The following THRB variants were observed in gnomAD, a reference collection of about 807,000 sequenced individuals.
THRB encodes the protein nuclear receptor subfamily 1 group A member 2.
In THRB, 12 loss-of-function variants were observed where a neutral mutation model predicts 47.8. That is an observed-to-expected ratio of 0.25 (90% CI 0.16 to 0.41). THRB has a LOEUF of 0.41. Ranked by LOEUF, THRB falls within the 10% of genes least tolerant of loss-of-function variation. The pLI is 1.00. For synonymous variants in THRB, 218 were observed against 212.2 expected (o/e 1.03, Z -0.24); for missense variants, 348 against 589.2 (o/e 0.59, Z 4.24).
At chr3:24,466,034 T>A (rs2074126964) in intron 1 of THRB, among the ~76,000 whole-genome samples, 1 of 152,196 alleles carries the variant, frequency 6.6e-6, no homozygotes, top group African/African-American at 2.4e-5. Flanking sequence ...GACTGTATTA[T>A]GTGATATTTC....
At chr3:24,338,756 T>C (rs558939665) in intron 1 of THRB, among the ~76,000 whole-genome samples, 12 of 152,384 alleles carry the variant, frequency 7.9e-5, no homozygotes, top group African/African-American at 2.9e-4. Flanking sequence ...ACACTCAGTA[T>C]GTTAAAAGGA....
intron 4 of THRB, among the ~76,000 whole-genome samples, chr3:24,220,119 G>A (rs1442429457): frequency 1.3e-5 from 2 of 152,162 alleles, no homozygotes; most frequent in Non-Finnish European, 2.9e-5. Flanking sequence ...AGTTTTAAAA[G>A]AATGCTGAGT....
intron 1 of THRB, among the ~76,000 whole-genome samples, chr3:24,460,260 T>C (rs1414009772): frequency 6.6e-6 from 1 of 152,202 alleles, no homozygotes; most frequent in Admixed American, 6.5e-5. Flanking sequence ...ATTATTTTTT[T>C]TCTTGTTTCA....
At chr3:24,241,543 G>T (rs1183121506) in intron 3 of THRB, among the ~76,000 whole-genome samples, 4 of 152,160 alleles carry the variant, frequency 2.6e-5, no homozygotes, top group Non-Finnish European at 1.5e-5. Context: ...CCCTTCCTTG[G>T]ATGGTGGCAG....
At chr3:24,182,371 T>C (rs1157845937) in intron 5 of THRB, among the ~76,000 whole-genome samples, 1 of 152,154 alleles carries the variant, frequency 6.6e-6, no homozygotes, top group African/African-American at 2.4e-5. Context: ...CTCCCAATAA[T>C]ACCTTTCCAA....
At chr3:24,461,705 C>T (rs1373217103) in intron 1 of THRB, among the ~76,000 whole-genome samples, 2 of 152,062 alleles carry the variant, frequency 1.3e-5, no homozygotes, top group African/African-American at 4.8e-5. Context: ...CTCTGGTCTT[C>T]TAAGAATTTC....
chr3:24,338,877 G>C (rs2149439438), intron 1 of THRB, among the ~76,000 whole-genome samples: 1 of 152,268 alleles, frequency 6.6e-6, no homozygotes, highest in Non-Finnish European at 1.5e-5. Context: ...ATATCTCTCT[G>C]CACCGCCCAT....
chr3:24,188,249 T>C (rs574752133), intron 5 of THRB, among the ~76,000 whole-genome samples: 2 of 152,320 alleles, frequency 1.3e-5, no homozygotes, highest in East Asian at 3.9e-4. Context: ...ATAATAAGGA[T>C]CACAATAATA....
intron 1 of THRB, among the ~76,000 whole-genome samples, chr3:24,442,628 C>T (rs1269593280): frequency 6.6e-6 from 1 of 151,888 alleles, no homozygotes; most frequent in African/African-American, 2.4e-5. Context: ...AGCTCGAGAC[C>T]AGCCTGACCA....
chr3:24,203,825 A>G (rs935523541), intron 4 of THRB, among the ~76,000 whole-genome samples: 2 of 152,222 alleles, frequency 1.3e-5, no homozygotes, highest in African/African-American at 4.8e-5. Context: ...GCACTTTTCC[A>G]ATGGCCTTAG....
At position 24,223,896 on chromosome 3, in the gene THRB, G is replaced by A. The variant is rs1056790280; in HGVS notation, c.22+5042C>T. ...GAGTCACCAATCAATGTGTGTGTGG[G>A]GGGGGTATATAGTCAAATTTATAAT... On this transcript the variant is annotated intron_variant, in intron 4 of 10. Transcript: ENST00000646209. 2.6e-5 allele frequency among the ~76,000 whole-genome samples: 4 copies of A among 151,952 alleles called. No homozygotes were observed. The South Asian group carries it at 8.3e-4, about 32-fold the overall frequency.
At chr3:24,480,578 T>C (rs1696210658) in intron 1 of THRB, among the ~76,000 whole-genome samples, 1 of 152,104 alleles carries the variant, frequency 6.6e-6, no homozygotes, top group South Asian at 2.1e-4. Flanking sequence ...GTAACAACAC[T>C]TGGCTCCAAG....
chr3:24,336,631 C>A (rs2062271106), intron 2 of THRB, among the ~76,000 whole-genome samples: 1 of 152,004 alleles, frequency 6.6e-6, no homozygotes, highest in South Asian at 2.1e-4. Flanking sequence ...AAGGCAAATT[C>A]AGAAGACTTG....
chr3:24,143,961 A>G, intron 7 of THRB: 1 of 540,998 alleles, frequency 1.8e-6, no homozygotes. Flanking sequence ...GAGAACCTAG[A>G]CACTGCGCAC....
intron 1 of THRB, among the ~76,000 whole-genome samples, chr3:24,463,817 A>G (rs1351695341): frequency 6.6e-6 from 1 of 152,230 alleles, no homozygotes; most frequent in East Asian, 1.9e-4. Flanking sequence ...GTAAGTATTA[A>G]TGAACACCCA....
intron 1 of THRB, among the ~76,000 whole-genome samples, chr3:24,444,477 A>G (rs2071864966): frequency 6.7e-6 from 1 of 148,274 alleles, no homozygotes; most frequent in East Asian, 1.9e-4. Context: ...CTACAAATAA[A>G]TGATTTTTTT....
At chr3:24,188,270 C>A (rs1417620408) in intron 5 of THRB, among the ~76,000 whole-genome samples, 1 of 152,112 alleles carries the variant, frequency 6.6e-6, no homozygotes, top group African/African-American at 2.4e-5. Context: ...ATGACAGTTG[C>A]TATTCAGAGA....
intron 1 of THRB, among the ~76,000 whole-genome samples, chr3:24,362,728 C>A (rs2064162103): frequency 6.6e-6 from 1 of 152,104 alleles, no homozygotes; most frequent in African/African-American, 2.4e-5. Flanking sequence ...CTCACAACAA[C>A]CATAAGAGAT....
At chr3:24,403,029 T>A (rs924171843) in intron 1 of THRB, among the ~76,000 whole-genome samples, 2 of 151,986 alleles carry the variant, frequency 1.3e-5, no homozygotes, top group African/African-American at 4.8e-5. Flanking sequence ...AATTCATATA[T>A]TTGTCACACA....
Sources: gnomAD v4.1 joint callset for allele counts (sites outside exome capture counted in the v4.1 genomes callset) on GRCh38, gnomAD v4.1.1 for gene constraint, MANE v1.5 for transcripts, NCBI Gene and HGNC (gene_info 2026-07-23, HGNC 2026-07-21) for gene names.